R3HDM2: variants seen among roughly 807,000 people sequenced by gnomAD.
The protein encoded by R3HDM2 is R3H domain containing 2, also known as R3H domain-containing protein 2.
R3HDM2 carries 38 observed loss-of-function variants against 124.5 expected under a neutral mutation model. The ratio of observed to expected loss-of-function variants is 0.31; its 90% CI spans 0.24 to 0.40. The LOEUF is 0.40. Among genes scored for constraint, R3HDM2 ranks in the 10% least tolerant of loss-of-function variants. The pLI, the probability that R3HDM2 is intolerant of heterozygous loss-of-function variation, is 1.00. For synonymous variants in R3HDM2, 391 were observed against 448.0 expected (o/e 0.87, Z 1.61); for missense variants, 869 against 1,236.9 (o/e 0.70, Z 4.46).
intron 2 of R3HDM2, among the ~76,000 whole-genome samples, chr12:57,351,715 T>A (rs779620458): frequency 2.0e-4 from 30 of 152,272 alleles, no homozygotes; most frequent in Admixed American, 2.0e-4. Context: ...TTGCAAGATA[T>A]TACAAAAATT....
intron 13 of R3HDM2, among the ~76,000 whole-genome samples, chr12:57,282,266 G>A (rs189873463): frequency 6.7e-5 from 10 of 149,422 alleles, no homozygotes; most frequent in African/African-American, 9.8e-5. Flanking sequence ...AGCCGAGGTC[G>A]TGCCATTGCG....
At chr12:57,300,073 C>T (rs2050782411) in intron 5 of R3HDM2, 22 bp downstream of exon 5, 1 of 1,532,978 alleles carries the variant, frequency 6.5e-7, no homozygotes, top group African/African-American at 1.4e-5. Context: ...AAAAGCTACA[C>T]TTACTCCTGC....
rs1264988396 is a variant in R3HDM2, at chr12:57,325,549, TTTTA to T, written c.-35-15090_-35-15087del. On this transcript the variant is annotated intron_variant, in intron 2 of 23. Transcript: ENST00000402412. ...CCAGTCCTGGACTGACTACCTCTGATTTTATTTTTTTCCAAGATACAGGTTCTTG... is the reference window on the plus strand; with the variant it reads ...CCAGTCCTGGACTGACTACCTCTGATTTTTTTTCCAAGATACAGGTTCTTG... 2.0e-5 allele frequency among the ~76,000 whole-genome samples: 3 copies of T among 152,108 alleles called. No individual in the cohort carries two copies. In the East Asian group the frequency reaches 5.8e-4, roughly 29 times the overall value.
intron 12 of R3HDM2, among the ~76,000 whole-genome samples, chr12:57,284,457 C>T (rs780729353): frequency 2.2e-4 from 33 of 152,312 alleles, no homozygotes; most frequent in African/African-American, 7.7e-4. Flanking sequence ...TAAAAGGACT[C>T]CTAGAAGTTG....
chr12:57,387,296 C>A (rs1468533023), intron 2 of R3HDM2, among the ~76,000 whole-genome samples: 1 of 152,172 alleles, frequency 6.6e-6, no homozygotes, highest in East Asian at 1.9e-4. Context: ...TAACACTCAC[C>A]GCAAAGGTCT....
At chr12:57,396,992 C>A (rs1358725069) in intron 1 of R3HDM2, among the ~76,000 whole-genome samples, 3 of 151,332 alleles carry the variant, frequency 2.0e-5, no homozygotes, top group Non-Finnish European at 4.4e-5. Flanking sequence ...ACTTGGGAGG[C>A]TGAGGGAGGA....
chr12:57,395,070 C>T (rs1327560216), intron 2 of R3HDM2, among the ~76,000 whole-genome samples: 2 of 151,746 alleles, frequency 1.3e-5, no homozygotes, highest in Admixed American at 6.6e-5. Flanking sequence ...ATTAGCTGGG[C>T]ATGGTGGTGG....
chr12:57,400,142 T>C (rs1271739463), intron 1 of R3HDM2, among the ~76,000 whole-genome samples: 2 of 152,200 alleles, frequency 1.3e-5, no homozygotes, highest in African/African-American at 2.4e-5. Context: ...TGTATGTTTA[T>C]TGTGGCACCA....
At position 57,280,387 on chromosome 12, in the gene R3HDM2, G is replaced by T. The variant is rs2045849601; in HGVS notation, c.1315C>A (p.Pro439Thr). The T allele has an allele frequency of 6.2e-7, 1 of 1,613,988 alleles. No individual in the cohort carries two copies. The highest frequency in any genetic ancestry group is 1.3e-5 in the African/African-American group (1 of 75,034). ...GAGATCATGTGATTATTCAAGGGTG[G>T]CTGTTGCTGAGGCGTGGGTGGGAGA... ...PALPPTPQQQ[P>T]PLNNHMISQA... The change falls in exon 14 of 24, where the codon CCA becomes ACA. Residue 439 changes from proline (P) to threonine (T), a missense_variant. This residue lies in a region of R3HDM2 where 602 missense variants were observed against 789.2 expected (regional missense o/e 0.76). Coordinates refer to ENST00000402412, the MANE Select transcript of R3HDM2 (RefSeq NM_001394031.1).
intron 1 of R3HDM2, among the ~76,000 whole-genome samples, chr12:57,419,852 C>T (rs1445393824): frequency 1.3e-5 from 2 of 151,978 alleles, no homozygotes; most frequent in Non-Finnish European, 2.9e-5. Context: ...CCTAGCCATA[C>T]AAGTACCCTC....
At chr12:57,355,799 A>G (rs1316111691) in intron 2 of R3HDM2, among the ~76,000 whole-genome samples, 4 of 152,222 alleles carry the variant, frequency 2.6e-5, no homozygotes. Context: ...AAGCAATGGT[A>G]CTGCATGTGT....
In R3HDM2 at chr12:57,296,661, AGACATATTATAAGGAAT is replaced by A. The variant is rs1252627318; in HGVS notation, c.561-127_561-111del. On this transcript the variant is annotated intron_variant, in intron 8 of 23. Coordinates refer to ENST00000402412, the MANE Select transcript of R3HDM2 (RefSeq NM_001394031.1). The surrounding 1 kb of genome is among the most constrained non-coding windows in gnomAD (Gnocchi z 4.5). The stretch of plus-strand genomic sequence containing the variant: ...AAGTGGAAAGTTTCTTAGGAGAAAT[AGACATATTATAAGGAAT>A]ATAGATATTTACTAAATGGGAACCA... 1.7e-6 allele frequency: 2 copies of A among 1,146,222 alleles called. No homozygotes were observed. The highest frequency in any genetic ancestry group is 3.1e-5 in the African/African-American group (2 of 63,872). The allele number at this position is 1,146,222 out of a possible 1,614,324, so 71.0% of individuals were successfully genotyped here.
In R3HDM2 at chr12:57,295,447, C is replaced by A; in HGVS notation, c.762G>T (p.Arg254Ser). The change falls in exon 10 of 24, where the codon AGG becomes AGT. Residue 254 changes from arginine to serine, a missense_variant. Arg to Ser is a moderately radical substitution (Grantham distance 110). Transcript: ENST00000402412. Reference protein sequence around the residue: ...KDEKNTEFQQRFILKRDDASM... With the variant: ...KDEKNTEFQQSFILKRDDASM... ...TGGCATCATCTCTCTTGAGAATGAA[C>A]CTCTGTTGAAATTCTGTATTCTTCT... 6.4e-7 allele frequency: 1 copy of A among 1,551,848 alleles called. No homozygotes were observed.
Position 57,295,384 on chromosome 12 carries a change from C to T in R3HDM2, c.810+15G>A. 6.5e-7 allele frequency: 1 copy of T among 1,530,020 alleles called. No homozygotes were observed. The allele number at this position is 1,530,020 out of a possible 1,614,324, so 94.8% of individuals were successfully genotyped here. A position where few individuals can be genotyped will look rare whatever the true frequency, so the allele number is the denominator to read the frequency against. On this transcript the variant is annotated intron_variant, in intron 10 of 23. Transcript: ENST00000402412. ...GCAAACTCTCTATATAGGCCCACCC[C>T]TTTCCATTCTTCACCTGGTTATCAT...
At chr12:57,333,143 T>C (rs1172116640) in intron 2 of R3HDM2, among the ~76,000 whole-genome samples, 3 of 152,186 alleles carry the variant, frequency 2.0e-5, no homozygotes, top group Non-Finnish European at 4.4e-5. Context: ...TGATCTGCTA[T>C]GACAAGGAAC....
chr12:57,256,181 C>CA, intron 22 of R3HDM2, 107 bp from the exon 23 acceptor site: 1 of 1,158,804 alleles, frequency 8.6e-7, no homozygotes, highest in South Asian at 1.3e-5. Context: ...CAGAGGACCC[C>CA]ACCCCACTAG....
chr12:57,344,789 T>G (rs1359398853), intron 2 of R3HDM2, among the ~76,000 whole-genome samples: 2 of 152,024 alleles, frequency 1.3e-5, no homozygotes, highest in African/African-American at 4.8e-5. Context: ...AACACTGAAT[T>G]TCAACACTAA....
intron 2 of R3HDM2, among the ~76,000 whole-genome samples, chr12:57,337,373 G>A (rs530354338): frequency 3.9e-5 from 6 of 151,950 alleles, no homozygotes; most frequent in South Asian, 2.1e-4. Context: ...GGCTGGTTTC[G>A]AACTCGGGCT....
At position 57,281,560 on chromosome 12, in the gene R3HDM2, A is replaced by G. The variant is rs551422114; in HGVS notation, c.1172-1030T>C. Among the ~76,000 whole-genome samples, 11 of 151,846 alleles carry G rather than the reference A, an allele frequency of 7.2e-5. No individual in the cohort carries two copies. In the South Asian group the frequency reaches 2.3e-3, roughly 32 times the overall value. ...GAATGCAGTGGCACGATCTTGGCTC[A>G]CTGCAACCTCCACCTCCCAGGTTCA... On this transcript the variant is annotated intron_variant, in intron 13 of 23. Transcript: ENST00000402412.
Sources: allele counts gnomAD v4.1 joint callset (sites outside exome capture counted in the v4.1 genomes callset), GRCh38; gene constraint gnomAD v4.1.1; regional missense constraint gnomAD v4.1.1; non-coding constraint Gnocchi (gnomAD v3.1); transcripts MANE v1.5; gene names NCBI Gene and HGNC (gene_info 2026-07-23, HGNC 2026-07-21).